The following PPFIA2 variants were observed in gnomAD, a reference collection of about 807,000 sequenced individuals.
PPFIA2 encodes PPFI scaffold protein A2, also known as liprin-alpha-2.
In PPFIA2, 46 loss-of-function variants were observed where a neutral mutation model predicts 175.5. The ratio of observed to expected loss-of-function variants is 0.26; its 90% CI spans 0.21 to 0.34. The LOEUF (loss-of-function observed/expected upper bound fraction) is 0.34. PPFIA2 is among the 10% of genes least tolerant of loss of function. The pLI is 1.00. For missense variants in PPFIA2, 1,179 were observed against 1,506.1 expected (o/e 0.78, Z 3.60); for synonymous variants, 568 against 511.4 (o/e 1.11, Z -1.49).
At chr12:81,439,915 A>G in intron 7 of PPFIA2, 57 bp downstream of exon 7, 1 of 1,322,822 alleles carries the variant, frequency 7.6e-7, no homozygotes, top group Non-Finnish European at 1.1e-6. Context: ...GTGAAACACA[A>G]GGGATGTAAT....
intron 4 of PPFIA2, among the ~76,000 whole-genome samples, chr12:81,524,906 C>G (rs1005939082): frequency 2.0e-5 from 3 of 152,070 alleles, no homozygotes; most frequent in Admixed American, 2.0e-4. Context: ...GATTAGTGTC[C>G]TTATTAAAGA....
At chr12:81,320,095 T>G (rs551694713) in intron 22 of PPFIA2, among the ~76,000 whole-genome samples, 104 of 152,178 alleles carry the variant, frequency 6.8e-4, no homozygotes, top group Admixed American at 1.9e-3. Context: ...ATGTATTAAA[T>G]GAAAGAATAT....
At chr12:81,359,321 C>A (rs1282620527) in intron 15 of PPFIA2, among the ~76,000 whole-genome samples, 1 of 151,844 alleles carries the variant, frequency 6.6e-6, no homozygotes, top group East Asian at 1.9e-4. Context: ...TCTTGTTTTG[C>A]CAAATGGGGC....
At chr12:81,329,986 G>A (rs543425052) in intron 21 of PPFIA2, among the ~76,000 whole-genome samples, 8 of 152,286 alleles carry the variant, frequency 5.3e-5, no homozygotes, top group African/African-American at 1.7e-4. Flanking sequence ...TAGGGCTTGC[G>A]AAGGCTCAGG....
At chr12:81,714,502 G>A (rs1165027299) in intron 3 of PPFIA2, among the ~76,000 whole-genome samples, 1 of 151,054 alleles carries the variant, frequency 6.6e-6, no homozygotes, top group Admixed American at 6.8e-5. Context: ...TTGCCAATGT[G>A]AGTCTTCCTT....
intron 4 of PPFIA2, among the ~76,000 whole-genome samples, chr12:81,616,666 T>G (rs994788713): frequency 6.6e-6 from 1 of 152,188 alleles, no homozygotes; most frequent in African/African-American, 2.4e-5. Flanking sequence ...ATACATTAAT[T>G]TCTTTAATTT....
rs1183160145 is a variant in PPFIA2 at position 81,443,845 on chromosome 12, CTTTTTTTTTTTTTTT to C, written c.570+1696_570+1710del. Among the ~76,000 whole-genome samples, 12 of 71,166 alleles carry C rather than the reference CTTTTTTTTTTTTTTT, an allele frequency of 1.7e-4. No homozygotes were observed. The East Asian group carries it at 2.2e-3, about 13-fold the overall frequency. The allele number at this position is 71,166 out of a possible 152,430, so 46.7% of individuals were successfully genotyped here. A position where few individuals can be genotyped will look rare whatever the true frequency, so the allele number is the denominator to read the frequency against. The stretch of plus-strand genomic sequence containing the variant: ...ATACCTAGATCAAATGCCAACCTTT[CTTTTTTTTTTTTTTT>C]TTTTTTTTTTTTTTGAGACGGAGTC... On this transcript the variant is annotated intron_variant, in intron 6 of 32. Transcript: ENST00000549396.
intron 11 of PPFIA2, among the ~76,000 whole-genome samples, chr12:81,370,417 G>C (rs1318650501): frequency 1.3e-5 from 2 of 151,750 alleles, no homozygotes; most frequent in African/African-American, 4.8e-5. Context: ...TCAGATATTG[G>C]TCTAGAATTT....
chr12:81,607,452 A>G (rs916348832), intron 4 of PPFIA2, among the ~76,000 whole-genome samples: 1 of 151,980 alleles, frequency 6.6e-6, no homozygotes, highest in Non-Finnish European at 1.5e-5. Flanking sequence ...TTTTCCATTT[A>G]TTTGTGTCAT....
chr12:81,338,006 C>T (rs1298681886), intron 21 of PPFIA2, among the ~76,000 whole-genome samples: 1 of 152,032 alleles, frequency 6.6e-6, no homozygotes, highest in East Asian at 1.9e-4. Context: ...AACATATAAT[C>T]ACACACTGGC....
At chr12:81,421,416 A>G (rs892887932) in intron 7 of PPFIA2, among the ~76,000 whole-genome samples, 8 of 152,086 alleles carry the variant, frequency 5.3e-5, no homozygotes, top group African/African-American at 2.4e-5. Context: ...GGGGAGTAAA[A>G]GTGTGGAGGT....
intron 6 of PPFIA2, among the ~76,000 whole-genome samples, chr12:81,443,879 C>T (rs2050718477): frequency 1.1e-5 from 1 of 88,288 alleles, no homozygotes; most frequent in Non-Finnish European, 2.0e-5. Flanking sequence ...TTTTTTGAGA[C>T]GGAGTCTCGC....
At chr12:81,719,191 A>G (rs2079021504) in intron 3 of PPFIA2, among the ~76,000 whole-genome samples, 1 of 151,594 alleles carries the variant, frequency 6.6e-6, no homozygotes, top group African/African-American at 2.4e-5. Context: ...TTAGTACTGG[A>G]CTTCATAGAA....
rs139052226 is a variant in PPFIA2, at chr12:81,588,139, T to C, written c.303+88652A>G. Among the ~76,000 whole-genome samples, 18 of 151,970 alleles carry C rather than the reference T, an allele frequency of 1.2e-4. 1 individual carries two copies. Among genetic ancestry groups the C allele is most frequent in the African/African-American group, 4.3e-4 (18 of 41,486 alleles). On this transcript the variant is annotated intron_variant, in intron 4 of 32. Transcript: ENST00000549396. ...GTAAGGAAGTATAAGAACAGGAGAATTTATCTTGAATTAGGTTTCAGGGAT... is the reference window on the plus strand; with the variant it reads ...GTAAGGAAGTATAAGAACAGGAGAACTTATCTTGAATTAGGTTTCAGGGAT...
intron 5 of PPFIA2, among the ~76,000 whole-genome samples, chr12:81,447,125 C>T (rs1254850969): frequency 1.3e-5 from 2 of 151,870 alleles, no homozygotes; most frequent in South Asian, 2.1e-4. Context: ...AGTGAAACCC[C>T]GTCTCTACTA....
intron 4 of PPFIA2, among the ~76,000 whole-genome samples, chr12:81,574,854 C>T (rs571283815): frequency 2.1e-4 from 32 of 151,838 alleles, no homozygotes; most frequent in Middle Eastern, 3.4e-3. Context: ...TGCTGTATGC[C>T]TTTGTGTTAC....
chr12:81,605,204 G>A (rs1360093206), intron 4 of PPFIA2, among the ~76,000 whole-genome samples: 3 of 151,724 alleles, frequency 2.0e-5, no homozygotes, highest in Middle Eastern at 3.4e-3. Context: ...TTCATTTGTG[G>A]GTAAAGCTCA....
intron 4 of PPFIA2, among the ~76,000 whole-genome samples, chr12:81,551,848 C>A (rs185563946): frequency 2.6e-5 from 4 of 151,840 alleles, no homozygotes; most frequent in Admixed American, 6.6e-5. Flanking sequence ...TCAAAAAGAA[C>A]AAGGAAACAA....
At chr12:81,699,415 G>C (rs1004887605) in intron 3 of PPFIA2, among the ~76,000 whole-genome samples, 18 of 151,524 alleles carry the variant, frequency 1.2e-4, no homozygotes, top group African/African-American at 4.4e-4. Context: ...TAGTATAAAG[G>C]TTTTTTCACC....
Sources: allele counts gnomAD v4.1 joint callset (sites outside exome capture counted in the v4.1 genomes callset), GRCh38; gene constraint gnomAD v4.1.1; transcripts MANE v1.5; gene names NCBI Gene and HGNC (gene_info 2026-07-23, HGNC 2026-07-21).